PLA2G12B: variants seen among roughly 807,000 people sequenced by gnomAD.
PLA2G12B encodes the protein phospholipase A2 group XIIB, also known as group XIIB secretory phospholipase A2-like protein.
In PLA2G12B, 19 loss-of-function variants were observed where a neutral mutation model predicts 22.3. The ratio of observed to expected loss-of-function variants is 0.85; its 90% CI spans 0.60 to 1.25. The LOEUF is 1.25. Ranked by LOEUF, PLA2G12B falls within the 50% of genes most tolerant of loss-of-function variation. The pLI, the probability that PLA2G12B is intolerant of heterozygous loss-of-function variation, is 0.00. For synonymous variants in PLA2G12B, 81 were observed against 94.9 expected (o/e 0.85, Z 0.85); for missense variants, 191 against 246.6 (o/e 0.77, Z 1.51).
intron 3 of PLA2G12B, among the ~76,000 whole-genome samples, chr10:72,937,573 C>G (rs1163350783): frequency 1.3e-5 from 2 of 152,088 alleles, no homozygotes; most frequent in Non-Finnish European, 2.9e-5. Flanking sequence ...CATACCAAAA[C>G]CAAAGACATC....
At chr10:72,937,134 C>T (rs538764577) in intron 3 of PLA2G12B, among the ~76,000 whole-genome samples, 1 of 151,980 alleles carries the variant, frequency 6.6e-6, no homozygotes, top group South Asian at 2.1e-4. Context: ...TGGCGTGAAC[C>T]CGGAGGCAGA....
Position 72,942,658 on chromosome 10 carries a change from T to C in PLA2G12B, c.294A>G (p.Pro98=). The change falls in exon 2 of 4, where the codon CCA becomes CCG. Residue 98 remains proline, a synonymous_variant. Transcript: ENST00000373032. The part of the protein sequence containing the change: ...CGSYFLGLKV[P]ESMDLGIPAM... The stretch of plus-strand genomic sequence containing the variant: ...TAATGCTGGCAGTACATACACTTTC[T>C]GGTACCTTGAGACCCAGGAAATAGG... 5.0e-6 allele frequency: 8 copies of C among 1,603,138 alleles called. No individual in the cohort carries two copies. Among genetic ancestry groups the C allele is most frequent in the Non-Finnish European group, 6.0e-6 (7 of 1,174,666 alleles).
chr10:72,950,479 T>C (rs1218867270), intron 1 of PLA2G12B, among the ~76,000 whole-genome samples: 1 of 152,168 alleles, frequency 6.6e-6, no homozygotes. Context: ...TTTTATTTAT[T>C]TATTTATTTG....
At chr10:72,936,934 C>T (rs903210043) in intron 3 of PLA2G12B, among the ~76,000 whole-genome samples, 1 of 152,220 alleles carries the variant, frequency 6.6e-6, no homozygotes, top group Non-Finnish European at 1.5e-5. Flanking sequence ...GGCACGGTGG[C>T]TTACGCCTGT....
intron 3 of PLA2G12B, among the ~76,000 whole-genome samples, chr10:72,937,226 A>C (rs1242924364): frequency 6.6e-6 from 1 of 152,198 alleles, no homozygotes; most frequent in Admixed American, 6.5e-5. Context: ...ATAAAAATAA[A>C]AAGGATTATA....
chr10:72,947,442 G>C (rs576827622), intron 1 of PLA2G12B, among the ~76,000 whole-genome samples: 1 of 152,034 alleles, frequency 6.6e-6, no homozygotes, highest in Non-Finnish European at 1.5e-5. Flanking sequence ...GTTTGGCTAT[G>C]TTGCCCAAGC....
Position 72,954,465 on chromosome 10 carries a change from G to C in PLA2G12B, c.211+10C>G, listed in dbSNP as rs749068449. 29 of 1,613,960 alleles carry C rather than the reference G, an allele frequency of 1.8e-5. No homozygotes were observed. The highest frequency in any genetic ancestry group is 2.3e-5 in the Non-Finnish European group (27 of 1,180,012). On this transcript the variant is annotated intron_variant, in intron 1 of 3. Coordinates refer to ENST00000373032, the MANE Select transcript of PLA2G12B (RefSeq NM_032562.5). ...AACAGTTTTTACAGAAAGAGAAACCGCACACTCACCATATCGGCACCTGTA... is the reference window on the plus strand; with the variant it reads ...AACAGTTTTTACAGAAAGAGAAACCCCACACTCACCATATCGGCACCTGTA...
chr10:72,942,679 A>G lies in PLA2G12B; in HGVS notation c.273T>C (p.Tyr91=), dbSNP rs754311495. 1.9e-6 allele frequency: 3 copies of G among 1,607,730 alleles called. No homozygotes were observed. In the South Asian group the frequency reaches 3.4e-5, roughly 18 times the overall value. Reference sequence around the variant, plus strand: ...TTTCTGGTACCTTGAGACCCAGGAAATAGGAGCCGCAGCCATTGGGCTCTT... The same window carrying G: ...TTTCTGGTACCTTGAGACCCAGGAAGTAGGAGCCGCAGCCATTGGGCTCTT... The part of the protein sequence containing the change: ...KPQEPNGCGS[Y]FLGLKVPESM... Residue 91 remains tyrosine (Y), a synonymous_variant, in exon 2 of 4, where the codon TAT becomes TAC. Coordinates refer to ENST00000373032, the MANE Select transcript of PLA2G12B (RefSeq NM_032562.5).
At chr10:72,942,098 A>G (rs1246354180) in intron 2 of PLA2G12B, among the ~76,000 whole-genome samples, 3 of 151,028 alleles carry the variant, frequency 2.0e-5, no homozygotes, top group African/African-American at 7.3e-5. Context: ...ACTCTGGCCA[A>G]CATGGTGAAA....
chr10:72,940,068 T>C (rs1205784318), intron 3 of PLA2G12B, among the ~76,000 whole-genome samples: 1 of 152,168 alleles, frequency 6.6e-6, no homozygotes, highest in Admixed American at 6.5e-5. Context: ...AGCAGGTACT[T>C]TTTCAGCCTC....
intron 3 of PLA2G12B, among the ~76,000 whole-genome samples, chr10:72,938,038 C>T (rs35968679): frequency 2.2e-3 from 338 of 150,660 alleles, no homozygotes; most frequent in African/African-American, 2.3e-3. Context: ...CGCTTGAACC[C>T]GGGGTGTGGA....
rs1846357763 is a variant in PLA2G12B at position 72,941,335 on chromosome 10, C to T, written c.301-1G>A. ...TCATTGCTGGAATGCCCAAGTCCAT[C>T]TGGGGAAAAGTGAAGGAAGGGAAAA... On this transcript the variant is annotated splice_acceptor_variant, in intron 2 of 3. Coordinates refer to ENST00000373032, the MANE Select transcript of PLA2G12B (RefSeq NM_032562.5). LOFTEE classifies it high-confidence loss of function. The T allele has an allele frequency of 6.2e-7, 1 of 1,612,588 alleles. No individual in the cohort carries two copies. The highest frequency in any genetic ancestry group is 1.1e-5 in the South Asian group (1 of 90,980).
At position 72,935,730 on chromosome 10, in the gene PLA2G12B, C is replaced by T; in HGVS notation, c.475G>A (p.Asp159Asn). Residue 159 changes from aspartate (D) to asparagine (N), a missense_variant, in exon 4 of 4, where the codon GAT (aspartate) becomes AAT (asparagine). Asp to Asn is a conservative substitution (Grantham distance 23). Transcript: ENST00000373032. ...GFVSKVEAACDSLVDTVFNTV... is the reference protein window; with the variant it reads ...GFVSKVEAACNSLVDTVFNTV... The stretch of plus-strand genomic sequence containing the variant: ...TTGAACACAGTGTCAACCAGGGAAT[C>T]ACAGGCTGCTTGAAAAAGATGAAGA... The T allele has an allele frequency of 6.2e-7, 1 of 1,613,646 alleles. No individual in the cohort carries two copies. The highest frequency in any genetic ancestry group is 8.5e-7 in the Non-Finnish European group (1 of 1,179,812).
At chr10:72,947,460 G>A (rs1442733695) in intron 1 of PLA2G12B, among the ~76,000 whole-genome samples, 1 of 151,968 alleles carries the variant, frequency 6.6e-6, no homozygotes, top group Non-Finnish European at 1.5e-5. Flanking sequence ...AGCTAGTCTT[G>A]AATTCCCAGA....
chr10:72,942,419 G>A (rs1291982370), intron 2 of PLA2G12B, among the ~76,000 whole-genome samples: 1 of 152,138 alleles, frequency 6.6e-6, no homozygotes, highest in East Asian at 1.9e-4. Flanking sequence ...GACATTTTCA[G>A]TGGTGATTTC....
At position 72,942,811 on chromosome 10, in the gene PLA2G12B, A is replaced by C. The variant is rs939525267; in HGVS notation, c.212-71T>G. On this transcript the variant is annotated intron_variant, in intron 1 of 3. Transcript: ENST00000373032. Reference sequence around the variant, plus strand: ...ATCAAGCATTTGGGAACATTCATCAAATGAAAATTTTCTAAAAGCATATTT... The same window carrying C: ...ATCAAGCATTTGGGAACATTCATCACATGAAAATTTTCTAAAAGCATATTT... The C allele has an allele frequency of 2.2e-6, 3 of 1,357,320 alleles. No individual in the cohort carries two copies. The African/African-American group carries it at 4.4e-5, about 20-fold the overall frequency. 84.1% of individuals were successfully genotyped at this position (1,357,320 alleles called of 1,614,324 possible). A position where few individuals can be genotyped will look rare whatever the true frequency, so the allele number is the denominator to read the frequency against.
intron 1 of PLA2G12B, among the ~76,000 whole-genome samples, chr10:72,949,797 T>G (rs538172668): frequency 6.6e-6 from 1 of 152,114 alleles, no homozygotes; most frequent in African/African-American, 2.4e-5. Context: ...GCCAACATGG[T>G]GAAACCCCCG....
Position 72,941,162 on chromosome 10 carries a change from C to T in PLA2G12B, c.466+7G>A, listed in dbSNP as rs1316160868. Reference sequence around the variant, plus strand: ...CTGTGCACTGTACGTGCCATTGAGACACCTACCTTCCACTTTGGAGACAAA... The same window carrying T: ...CTGTGCACTGTACGTGCCATTGAGATACCTACCTTCCACTTTGGAGACAAA... On this transcript the variant is annotated splice_region_variant and intron_variant, in intron 3 of 3. Transcript: ENST00000373032. 3.1e-6 allele frequency: 5 copies of T among 1,613,600 alleles called. No homozygotes were observed. Among genetic ancestry groups the T allele is most frequent in the Non-Finnish European group, 4.2e-6 (5 of 1,179,672 alleles).
chr10:72,938,127 A>AAAAGAAAG (rs373306939), intron 3 of PLA2G12B, among the ~76,000 whole-genome samples: 9 of 151,728 alleles, frequency 5.9e-5, no homozygotes, highest in African/African-American at 2.2e-4. Context: ...AAAAAAAAAA[A>AAAAGAAAG]AAAGAAAGAA....
Sources: allele counts gnomAD v4.1 joint callset (sites outside exome capture counted in the v4.1 genomes callset), GRCh38; gene constraint gnomAD v4.1.1; transcripts MANE v1.5; gene names NCBI Gene and HGNC (gene_info 2026-07-23, HGNC 2026-07-21).